Variants in CTNNA2 observed in about 807,000 individuals in gnomAD.
CTNNA2 encodes the protein catenin alpha 2.
In CTNNA2, 42 loss-of-function variants were observed where a neutral mutation model predicts 101.0. That is an observed-to-expected ratio of 0.42 (90% CI 0.32 to 0.54). CTNNA2 has a LOEUF of 0.54. CTNNA2 is among the 20% of genes least tolerant of loss of function. The probability of loss-of-function intolerance (pLI) is 0.14; values close to 1 mark genes in which losing one functional copy is unlikely to be tolerated. For missense variants in CTNNA2, 871 were observed against 1,223.1 expected (o/e 0.71, Z 4.29); for synonymous variants, 450 against 456.4 (o/e 0.99, Z 0.18).
chr2:80,337,034 G>A (rs1453257423), intron 7 of CTNNA2, among the ~76,000 whole-genome samples: 2 of 152,130 alleles, frequency 1.3e-5, no homozygotes, highest in African/African-American at 4.8e-5. Flanking sequence ...ACCTGGAAAT[G>A]TTCAACTGGG....
intron 8 of CTNNA2, among the ~76,000 whole-genome samples, chr2:80,396,763 A>T (rs1422171658): frequency 6.6e-6 from 1 of 152,186 alleles, no homozygotes; most frequent in Non-Finnish European, 1.5e-5. Context: ...AATATCTATG[A>T]CATTGCAATG....
chr2:79,919,730 C>T (rs561153668), intron 7 of CTNNA2, among the ~76,000 whole-genome samples: 5 of 152,324 alleles, frequency 3.3e-5, no homozygotes, highest in African/African-American at 9.6e-5. Flanking sequence ...AAGATCTGAA[C>T]GCTGGATCTC....
Position 80,169,226 on chromosome 2 carries a change from T to C in CTNNA2, c.1057-223985T>C, listed in dbSNP as rs1704892692. ...AAATGCTGTTATTTGTAGGGAAGAT[T>C]GTGTGACTCAAGCCTGGACATTGAT... On this transcript the variant is annotated intron_variant, in intron 7 of 18. Transcript: ENST00000402739. Among the ~76,000 whole-genome samples, 2 of 152,188 alleles carry C rather than the reference T, an allele frequency of 1.3e-5. 1 individual carries two copies. Among genetic ancestry groups the C allele is most frequent in the African/African-American group, 4.8e-5 (2 of 41,452 alleles).
In CTNNA2 at chr2:80,403,839, A is replaced by C. The variant is rs371909772; in HGVS notation, c.1137+10548A>C. Among the ~76,000 whole-genome samples, 4 of 152,308 alleles carry C rather than the reference A, an allele frequency of 2.6e-5. No individual in the cohort carries two copies. The East Asian group carries it at 7.7e-4, about 29-fold the overall frequency. ...ATGAAGGGATGTTGAATTTTGTCGA[A>C]GATATTTTCTGCATCTATTGAGATA... On this transcript the variant is annotated intron_variant, in intron 8 of 18. Coordinates refer to ENST00000402739, the MANE Select transcript of CTNNA2 (RefSeq NM_001282597.3).
intron 7 of CTNNA2, among the ~76,000 whole-genome samples, chr2:80,110,799 T>G (rs1467535816): frequency 6.6e-6 from 1 of 152,160 alleles, no homozygotes; most frequent in Non-Finnish European, 1.5e-5. Flanking sequence ...AACTGAAACA[T>G]CTTAGAAACT....
intron 7 of CTNNA2, among the ~76,000 whole-genome samples, chr2:80,339,915 C>G (rs952150785): frequency 6.6e-6 from 1 of 152,088 alleles, no homozygotes; most frequent in Admixed American, 6.6e-5. Context: ...TTGGGGAGTT[C>G]ATTTCCCAGA....
intron 9 of CTNNA2, among the ~76,000 whole-genome samples, chr2:80,476,188 A>G (rs1298681369): frequency 2.6e-5 from 4 of 152,114 alleles, no homozygotes; most frequent in East Asian, 1.9e-4. Context: ...TTCACCCCCA[A>G]GGAGGCAAAA....
chr2:80,004,754 G>A (rs1224809465), intron 7 of CTNNA2, among the ~76,000 whole-genome samples: 1 of 151,238 alleles, frequency 6.6e-6, no homozygotes, highest in Admixed American at 6.6e-5. Flanking sequence ...CCAGGCTGGA[G>A]TGCAGTGGCA....
intron 7 of CTNNA2, among the ~76,000 whole-genome samples, chr2:80,025,775 A>G (rs1249645062): frequency 6.6e-6 from 1 of 152,198 alleles, no homozygotes; most frequent in Non-Finnish European, 1.5e-5. Context: ...GGAGAGGTAT[A>G]GCTACCAGGA....
At position 79,506,306 on chromosome 2, in the gene CTNNA2, G is replaced by C. The variant is rs865983882; in HGVS notation, c.-6+1124G>C. The stretch of plus-strand genomic sequence containing the variant: ...TCCTTTGCAAAGTATATTGGTGCAT[G>C]TGTTACAAGTTAAAAAAAAAAAAAG... On this transcript the variant is annotated intron_variant, in intron 5 of 21. Coordinates refer to the CTNNA2 transcript ENST00000466387. 1.2e-4 allele frequency among the ~76,000 whole-genome samples: 18 copies of C among 151,072 alleles called. 1 individual carries two copies. The highest frequency in any genetic ancestry group is 3.4e-3 in the Middle Eastern group (1 of 294).
At chr2:79,596,630 G>A (rs1329020007) in intron 1 of CTNNA2, among the ~76,000 whole-genome samples, 1 of 152,158 alleles carries the variant, frequency 6.6e-6, no homozygotes, top group Non-Finnish European at 1.5e-5. Context: ...AAAGGTGAGA[G>A]CTTTCTGCAA....
chr2:80,340,704 G>A (rs887569218), intron 7 of CTNNA2, among the ~76,000 whole-genome samples: 1 of 152,114 alleles, frequency 6.6e-6, no homozygotes, highest in Non-Finnish European at 1.5e-5. Flanking sequence ...TTATATACAG[G>A]CTTTGGGAAA....
At chr2:80,270,288 AT>A (rs61050501) in intron 7 of CTNNA2, among the ~76,000 whole-genome samples, 33 of 151,808 alleles carry the variant, frequency 2.2e-4, no homozygotes, top group Non-Finnish European at 1.5e-5. Context: ...TTTTTTAGGG[AT>A]TTTTTTCCCA....
chr2:79,651,753 T>A, intron 2 of CTNNA2, 95 bp downstream of exon 2: 2 of 1,014,446 alleles, frequency 2.0e-6, no homozygotes, highest in Non-Finnish European at 3.0e-6. Flanking sequence ...TAAAAGAGAA[T>A]AAATCATGCC....
intron 7 of CTNNA2, among the ~76,000 whole-genome samples, chr2:80,025,016 C>T (rs539983513): frequency 1.9e-4 from 29 of 152,088 alleles, no homozygotes; most frequent in Non-Finnish European, 3.5e-4. Flanking sequence ...CCCTCGAGTT[C>T]GACCATCCCC....
intron 4 of CTNNA2, among the ~76,000 whole-genome samples, chr2:79,475,251 G>C (rs6713144): frequency 0.08 from 12,037 of 150,940 alleles, 837 homozygotes; most frequent in African/African-American, 0.19. Flanking sequence ...TTTTTTCACA[G>C]GTTATGAGTG....
intron 3 of CTNNA2, among the ~76,000 whole-genome samples, chr2:79,778,281 T>G (rs885603): frequency 0.44 from 66,616 of 151,318 alleles, 18,442 homozygotes; most frequent in African/African-American, 0.77. Context: ...CCAGGTGAAG[T>G]TTTCGGTGAG....
chr2:80,548,635 C>T (rs1692302666), intron 11 of CTNNA2, among the ~76,000 whole-genome samples: 4 of 152,194 alleles, frequency 2.6e-5, no homozygotes, highest in Admixed American at 2.6e-4. Context: ...TGAACAGGCG[C>T]TGTCAGAGAG....
chr2:79,657,280 T>A (rs989033564), intron 2 of CTNNA2, among the ~76,000 whole-genome samples: 3 of 151,736 alleles, frequency 2.0e-5, no homozygotes, highest in Admixed American at 6.6e-5. Context: ...ACAAGAAAGG[T>A]TAAAAGAAGT....
Sources: gnomAD v4.1 joint callset for allele counts (sites outside exome capture counted in the v4.1 genomes callset) on GRCh38, gnomAD v4.1.1 for gene constraint, MANE v1.5 for transcripts, NCBI Gene and HGNC (gene_info 2026-07-23, HGNC 2026-07-21) for gene names.